Variants in CBLB observed in about 807,000 individuals in gnomAD.
CBLB encodes E3 ubiquitin-protein ligase CBL-B.
Under a neutral mutation model 104.9 loss-of-function variants are expected in CBLB, and 31 were observed. That is an observed-to-expected ratio of 0.30 (90% CI 0.22 to 0.40). CBLB has a LOEUF of 0.40. Among genes scored for constraint, CBLB ranks in the 10% least tolerant of loss-of-function variants. The pLI, the probability that CBLB is intolerant of heterozygous loss-of-function variation, is 1.00. For synonymous variants in CBLB, 440 were observed against 422.6 expected (o/e 1.04, Z -0.51); for missense variants, 1,062 against 1,214.6 (o/e 0.87, Z 1.87).
intron 3 of CBLB, among the ~76,000 whole-genome samples, chr3:105,806,759 A>T (rs1243130811): frequency 1.3e-5 from 2 of 152,218 alleles, no homozygotes; most frequent in Non-Finnish European, 2.9e-5. Context: ...AAAAGGAGAT[A>T]TGGCAAAAAT....
intron 14 of CBLB, among the ~76,000 whole-genome samples, chr3:105,684,897 G>A (rs748983981): frequency 5.1e-4 from 77 of 152,164 alleles, no homozygotes; most frequent in Non-Finnish European, 9.1e-4. Flanking sequence ...AATAGCACTT[G>A]ATAGAAAAAC....
intron 5 of CBLB, among the ~76,000 whole-genome samples, chr3:105,746,671 T>C (rs1458677547): frequency 6.6e-6 from 1 of 152,200 alleles, no homozygotes; most frequent in Non-Finnish European, 1.5e-5. Flanking sequence ...TTGTTACCTC[T>C]TGCCATATTC....
chr3:105,868,051 T>A, intron 1 of CBLB: 1 of 490,136 alleles, frequency 2.0e-6, no homozygotes. Context: ...CTGTTAGATT[T>A]CTCCAAGTTA....
intron 2 of CBLB, among the ~76,000 whole-genome samples, chr3:105,861,892 T>C (rs2092126083): frequency 6.6e-6 from 1 of 152,158 alleles, no homozygotes; most frequent in Non-Finnish European, 1.5e-5. Context: ...TGGCCTCTAA[T>C]CATACAATTC....
At chr3:105,699,048 G>A (rs1223084495) in intron 12 of CBLB, among the ~76,000 whole-genome samples, 1 of 151,946 alleles carries the variant, frequency 6.6e-6, no homozygotes, top group African/African-American at 2.4e-5. Flanking sequence ...CACATATACT[G>A]TTTGTCTCCA....
At chr3:105,761,014 ATTG>A (rs1303192796) in intron 4 of CBLB, among the ~76,000 whole-genome samples, 11 of 152,204 alleles carry the variant, frequency 7.2e-5, no homozygotes, top group African/African-American at 2.6e-4. Flanking sequence ...CACTGACTTT[ATTG>A]TTGTTGTTTT....
intron 8 of CBLB, among the ~76,000 whole-genome samples, chr3:105,736,256 T>G (rs1027315213): frequency 1.4e-4 from 22 of 152,194 alleles, no homozygotes; most frequent in Admixed American, 2.6e-4. Context: ...CTCAATCCCT[T>G]TTCACCTCCT....
At chr3:105,678,674 A>G (rs56117075) in intron 16 of CBLB, 103 bp from the exon 17 acceptor site, 1 of 1,284,894 alleles carries the variant, frequency 7.8e-7, no homozygotes, top group Non-Finnish European at 1.1e-6. Flanking sequence ...GCTTATAAAG[A>G]ATTTCACTCG....
chr3:105,758,000 T>C (rs866694409), intron 4 of CBLB, among the ~76,000 whole-genome samples: 1 of 152,208 alleles, frequency 6.6e-6, no homozygotes, highest in African/African-American at 2.4e-5. Flanking sequence ...TGTAACATAT[T>C]TGATATGTTT....
chr3:105,777,850 A>G (rs543432297), intron 3 of CBLB, among the ~76,000 whole-genome samples: 16 of 152,304 alleles, frequency 1.1e-4, no homozygotes, highest in Admixed American at 2.6e-4. Flanking sequence ...CAGTACTATC[A>G]ATCACCTATA....
At chr3:105,683,601 C>A (rs537136619) in intron 14 of CBLB, among the ~76,000 whole-genome samples, 19 of 152,196 alleles carry the variant, frequency 1.2e-4, no homozygotes, top group African/African-American at 4.3e-4. Context: ...AAAGCTCATC[C>A]TACTTTAGTT....
chr3:105,675,918 C>T (rs147714284), intron 17 of CBLB, among the ~76,000 whole-genome samples: 1 of 141,468 alleles, frequency 7.1e-6, no homozygotes, highest in Non-Finnish European at 1.5e-5. Context: ...CATAAAGGAT[C>T]TGGTACCAGA....
rs1025607510 is a variant in CBLB at position 105,844,644 on chromosome 3, A to G, written c.419+8770T>C. On this transcript the variant is annotated intron_variant, in intron 3 of 18. Coordinates refer to ENST00000394030, the MANE Select transcript of CBLB (RefSeq NM_170662.5). ...ATAAATCTGAAGAGACAAAAGATTA[A>G]TATTTTTAAAAGATTTAGAAAACGG... Among the ~76,000 whole-genome samples, 8 of 152,236 alleles carry G rather than the reference A, an allele frequency of 5.3e-5. No individual in the cohort carries two copies. In the East Asian group the frequency reaches 9.6e-4, roughly 18 times the overall value.
chr3:105,869,224 C>G (rs1706754253), upstream of CBLB: 2 of 654,380 alleles, frequency 3.1e-6, no homozygotes, highest in East Asian at 1.0e-4. Flanking sequence ...GCTCGCAGCA[C>G]GTCAGAAAGG....
chr3:105,700,077 A>C (rs771807050), intron 12 of CBLB, among the ~76,000 whole-genome samples: 11 of 152,172 alleles, frequency 7.2e-5, no homozygotes, highest in Non-Finnish European at 1.6e-4. Flanking sequence ...TGATCACAAC[A>C]TGAAAGTTCA....
intron 3 of CBLB, among the ~76,000 whole-genome samples, chr3:105,783,717 G>C (rs1411519809): frequency 6.6e-6 from 1 of 152,172 alleles, no homozygotes. Context: ...AATCAGAAGA[G>C]AGAGAGTGTG....
At position 105,776,476 on chromosome 3, in the gene CBLB, G is replaced by A. The variant is rs201884759; in HGVS notation, c.486C>T (p.Pro162=). The part of the protein sequence containing the change: ...HMLAEIKAIF[P]NGQFQGDNFR... The stretch of plus-strand genomic sequence containing the variant: ...AGTTATCTCCCTGGAATTGACCATT[G>A]GGAAAGATTGCTTTGATTTCTGCCA... The change falls in exon 4 of 19, where the codon CCC becomes CCT. Residue 162 remains proline, a synonymous_variant. Coordinates refer to ENST00000394030, the MANE Select transcript of CBLB (RefSeq NM_170662.5). 6.2e-7 allele frequency: 1 copy of A among 1,613,658 alleles called. No individual in the cohort carries two copies. Among genetic ancestry groups the A allele is most frequent in the East Asian group, 2.2e-5 (1 of 44,816 alleles).
intron 3 of CBLB, chr3:105,839,318 C>T (rs909433530): frequency 2.6e-5 from 4 of 151,930 alleles, no homozygotes; most frequent in Non-Finnish European, 5.9e-5. Flanking sequence ...ACAAAAAAGG[C>T]CTAAATTTAT....
rs2063399306 is a variant in CBLB at position 105,657,112 on chromosome 3, C to T, written c.*1858G>A. 2 of 226,206 alleles carry T rather than the reference C, an allele frequency of 8.8e-6. No individual in the cohort carries two copies. The highest frequency in any genetic ancestry group is 1.8e-5 in the Non-Finnish European group (2 of 113,710). The allele number at this position is 226,206 out of a possible 1,614,324, so 14.0% of individuals were successfully genotyped here. A position where few individuals can be genotyped will look rare whatever the true frequency, so the allele number is the denominator to read the frequency against. On this transcript the variant is annotated 3_prime_UTR_variant, in exon 19 of 19. Transcript: ENST00000394030. ...AGAAATTACCCAAGGCCTGTGAGTC[C>T]TCATCTCATACCATGAAAGCCAGAC... is the stretch of plus-strand genomic sequence containing the variant.
Sources: gnomAD v4.1 joint callset for allele counts (sites outside exome capture counted in the v4.1 genomes callset) on GRCh38, gnomAD v4.1.1 for gene constraint, MANE v1.5 for transcripts, NCBI Gene and HGNC (gene_info 2026-07-23, HGNC 2026-07-21) for gene names.